DYNC2I2: variants seen among roughly 807,000 people sequenced by gnomAD.
DYNC2I2 encodes dynein 2 intermediate chain 2, also known as cytoplasmic dynein 2 intermediate chain 2.
Under a neutral mutation model 52.0 loss-of-function variants are expected in DYNC2I2, and 39 were observed. That is an observed-to-expected ratio of 0.75 (90% CI 0.58 to 0.98). The LOEUF (loss-of-function observed/expected upper bound fraction) is 0.98. Among genes scored for constraint, DYNC2I2 ranks in the 50% least tolerant of loss-of-function variants. The pLI, the probability that DYNC2I2 is intolerant of heterozygous loss-of-function variation, is 0.00. For missense variants in DYNC2I2, 743 were observed against 728.4 expected (o/e 1.02, Z -0.23); for synonymous variants, 359 against 321.1 (o/e 1.12, Z -1.26).
the DYNC2I2 span, among the ~76,000 whole-genome samples, chr9:128,669,234 A>G: frequency 4.6e-5 from 7 of 151,996 alleles, no homozygotes; most frequent in Admixed American, 1.3e-4. Context: ...GCGTGGTGGC[A>G]TGCGCCTGTA....
chr9:128,636,723 G>A (rs1191448468), intron 3 of DYNC2I2, among the ~76,000 whole-genome samples, 195 bp downstream of exon 3: 2 of 152,132 alleles, frequency 1.3e-5, no homozygotes, highest in African/African-American at 4.8e-5. Flanking sequence ...GCAGGGGGGA[G>A]GGTGATCCTG....
the DYNC2I2 span, chr9:128,683,678 G>A: frequency 2.1e-6 from 1 of 487,174 alleles, no homozygotes; most frequent in Non-Finnish European, 3.7e-6. Context: ...GCGAGGCAGA[G>A]AGCAACTAAA....
At chr9:128,667,158 C>T in the DYNC2I2 span, among the ~76,000 whole-genome samples, 1 of 151,514 alleles carries the variant, frequency 6.6e-6, no homozygotes, top group African/African-American at 2.4e-5. Flanking sequence ...GAGATCACGC[C>T]ATTGCACTCC....
the DYNC2I2 span, among the ~76,000 whole-genome samples, chr9:128,665,239 G>A: frequency 3.3e-5 from 5 of 151,764 alleles, no homozygotes; most frequent in East Asian, 7.9e-4. Flanking sequence ...TTTTAGTAGA[G>A]ACAGGATTTC....
intron 1 of DYNC2I2, among the ~76,000 whole-genome samples, chr9:128,648,481 G>GA (rs1860659769): frequency 6.6e-6 from 1 of 151,398 alleles, no homozygotes; most frequent in Admixed American, 6.6e-5. Context: ...GCCAGGCCCC[G>GA]CCAAGCCAAG....
At position 128,656,707 on chromosome 9, in the gene DYNC2I2, G is replaced by C. The variant is rs1307298556; in HGVS notation, c.20C>G (p.Pro7Arg). 5 of 1,436,548 alleles carry C rather than the reference G, an allele frequency of 3.5e-6. No homozygotes were observed. The Admixed American group carries it at 9.5e-5, about 27-fold the overall frequency. 89.0% of individuals were successfully genotyped at this position (1,436,548 alleles called of 1,614,324 possible). Reference sequence around the variant, plus strand: ...GCTTCCCGCCTGGCTGAGTGGCCCCGGCTGCGCGCGGGTTGCCATGGAGAC... The same window carrying C: ...GCTTCCCGCCTGGCTGAGTGGCCCCCGCTGCGCGCGGGTTGCCATGGAGAC... MATRAQ[P>R]GPLSQAGSAG... The change falls in exon 1 of 9, where the codon CCG (proline) becomes CGG (arginine). Residue 7 changes from proline (P) to arginine (R), a missense_variant. Pro to Arg is a moderately radical substitution (Grantham distance 103). Transcript: ENST00000372715.
At chr9:128,670,871 C>CA in the DYNC2I2 span, among the ~76,000 whole-genome samples, 3 of 151,774 alleles carry the variant, frequency 2.0e-5, no homozygotes, top group Admixed American at 2.0e-4. Context: ...GGAGACCAGC[C>CA]AGCCTGACCA....
intron 2 of DYNC2I2, 24 bp from the exon 3 acceptor site, chr9:128,637,051 A>C: frequency 6.3e-7 from 1 of 1,584,544 alleles, no homozygotes; most frequent in South Asian, 1.1e-5. Context: ...CCCAACCCTG[A>C]GTCCAAAGCC....
the DYNC2I2 span, among the ~76,000 whole-genome samples, chr9:128,671,675 G>A: frequency 4.6e-5 from 7 of 150,716 alleles, no homozygotes; most frequent in East Asian, 1.9e-4. Flanking sequence ...TTTTTGAGAC[G>A]GAGTCTTGCT....
At chr9:128,674,745 A>G in the DYNC2I2 span, among the ~76,000 whole-genome samples, 2 of 152,154 alleles carry the variant, frequency 1.3e-5, no homozygotes, top group African/African-American at 2.4e-5. Flanking sequence ...TCCGTCTCAA[A>G]AAAAATAAAA....
At chr9:128,642,925 G>T (rs1408551401) in intron 1 of DYNC2I2, among the ~76,000 whole-genome samples, 1 of 152,168 alleles carries the variant, frequency 6.6e-6, no homozygotes, top group Non-Finnish European at 1.5e-5. Flanking sequence ...CTGAGCACAT[G>T]CAGAGGCACG....
At chr9:128,649,487 G>T (rs189008285) in intron 1 of DYNC2I2, among the ~76,000 whole-genome samples, 3 of 151,344 alleles carry the variant, frequency 2.0e-5, no homozygotes, top group African/African-American at 7.3e-5. Context: ...TCAGGAGTTC[G>T]AGACCAGCCT....
At position 128,634,402 on chromosome 9, in the gene DYNC2I2, G is replaced by T; in HGVS notation, c.1215-19C>A. ...GAGATTCCTAGACGGGATGCAGGGG[G>T]CCAGGCAAGGGAATCAGTGCTGGGG... On this transcript the variant is annotated intron_variant, in intron 7 of 8. Coordinates refer to ENST00000372715, the MANE Select transcript of DYNC2I2 (RefSeq NM_052844.4). 6.4e-7 allele frequency: 1 copy of T among 1,559,672 alleles called. No homozygotes were observed. Among genetic ancestry groups the T allele is most frequent in the Non-Finnish European group, 8.7e-7 (1 of 1,154,418 alleles).
chr9:128,653,688 C>G (rs960203610), intron 1 of DYNC2I2, among the ~76,000 whole-genome samples: 7 of 149,292 alleles, frequency 4.7e-5, no homozygotes, highest in African/African-American at 1.8e-4. Context: ...TGCACTCCAG[C>G]CTAGGCCACA....
upstream of DYNC2I2, among the ~76,000 whole-genome samples, chr9:128,661,198 C>T (rs936180518): frequency 3.4e-5 from 5 of 146,876 alleles, no homozygotes; most frequent in South Asian, 2.2e-4. Context: ...AAAAATTAGC[C>T]AGATGTGGTG....
In DYNC2I2 at chr9:128,635,153, T is replaced by A; in HGVS notation, c.920A>T (p.Gln307Leu). 6.2e-7 allele frequency: 1 copy of A among 1,613,464 alleles called. No individual in the cohort carries two copies. The highest frequency in any genetic ancestry group is 8.5e-7 in the Non-Finnish European group (1 of 1,179,994). ...GACCAGGGCGAAGCCCTCTGTGAGC[T>A]GCAGCTGGCCTACCCCGATGCCCTG... ...LWQGIGVGQL[Q>L]LTEGFALVMQ... is the part of the protein sequence containing the mutation. The change falls in exon 6 of 9, where the codon CAG (glutamine) becomes CTG (leucine). Residue 307 changes from glutamine (Q) to leucine (L), a missense_variant. Coordinates refer to ENST00000372715, the MANE Select transcript of DYNC2I2 (RefSeq NM_052844.4).
the DYNC2I2 span, among the ~76,000 whole-genome samples, chr9:128,670,419 G>A: frequency 3.3e-5 from 5 of 150,974 alleles, no homozygotes; most frequent in East Asian, 3.9e-4. Context: ...CAGCCTGGGT[G>A]ACAAGAGTGA....
At chr9:128,637,918 G>A (rs945454378) in intron 2 of DYNC2I2, among the ~76,000 whole-genome samples, 1 of 152,112 alleles carries the variant, frequency 6.6e-6, no homozygotes, top group African/African-American at 2.4e-5. Context: ...CAGATCTGTT[G>A]ACCTCATGAT....
chr9:128,657,468 A>C (rs1366732665), upstream of DYNC2I2, among the ~76,000 whole-genome samples: 1 of 152,052 alleles, frequency 6.6e-6, no homozygotes, highest in Non-Finnish European at 1.5e-5. Flanking sequence ...AATTAAAAAA[A>C]CTGGAGATTC....
Sources: allele counts gnomAD v4.1 joint callset (sites outside exome capture counted in the v4.1 genomes callset), GRCh38; gene constraint gnomAD v4.1.1; transcripts MANE v1.5; gene names NCBI Gene and HGNC (gene_info 2026-07-23, HGNC 2026-07-21).